The following DAAM2 variants were observed in gnomAD, a reference collection of about 807,000 sequenced individuals.
DAAM2 encodes the protein disheveled-associated activator of morphogenesis 2.
A neutral mutation model predicts 120.7 loss-of-function variants in DAAM2; 39 were observed. That is an observed-to-expected ratio of 0.32 (90% confidence interval 0.25 to 0.42). The LOEUF (loss-of-function observed/expected upper bound fraction) is 0.42. Among genes scored for constraint, DAAM2 ranks in the 10% least tolerant of loss-of-function variants. The pLI is 1.00. For synonymous variants in DAAM2, 488 were observed against 524.9 expected, an observed-to-expected ratio of 0.93 and a Z score of 0.96; for missense variants, 1,283 against 1,401.7, an observed-to-expected ratio of 0.92 and a Z score of 1.35.
intron 1 of DAAM2, among the ~76,000 whole-genome samples, chr6:39,805,576 A>G (rs1385084954): frequency 1.0e-4 from 15 of 147,144 alleles, no homozygotes; most frequent in African/African-American, 3.8e-4. Flanking sequence ...TTTTTTTGAG[A>G]CAGAGTCTCG....
chr6:39,839,930 AGACAGCTGG>A (rs1299758660), intron 1 of DAAM2, among the ~76,000 whole-genome samples: 2 of 152,210 alleles, frequency 1.3e-5, no homozygotes, highest in Admixed American at 1.3e-4. Flanking sequence ...TGGGAGTTTA[AGACAGCTGG>A]GTCATGGCCA....
chr6:39,801,229 T>C (rs1007875594), intron 1 of DAAM2, among the ~76,000 whole-genome samples: 2 of 152,206 alleles, frequency 1.3e-5, no homozygotes, highest in Non-Finnish European at 2.9e-5. Flanking sequence ...AAAGTACATT[T>C]TTCCCCCTGT....
intron 19 of DAAM2, among the ~76,000 whole-genome samples, chr6:39,892,317 C>T (rs3008814): frequency 0.45 from 68,717 of 152,044 alleles, 16,247 homozygotes; most frequent in Middle Eastern, 0.56. Flanking sequence ...AGCAATCGCA[C>T]GGGTGGGTGC....
At chr6:39,864,575 GC>G (rs1764347626) in intron 4 of DAAM2, 68 bp downstream of exon 4, 3 of 1,310,168 alleles carry the variant, frequency 2.3e-6, no homozygotes, top group African/African-American at 2.9e-5. Flanking sequence ...GATTCCCCCA[GC>G]CCCCACCCCC....
intron 14 of DAAM2, chr6:39,881,979 G>A (rs754389519): frequency 6.6e-5 from 10 of 151,998 alleles, no homozygotes; most frequent in Admixed American, 1.3e-4. Flanking sequence ...AGGATGGCAG[G>A]GCTGGGAGCG....
In DAAM2 at chr6:39,902,975, G is replaced by C. The variant is rs111341043; in HGVS notation, c.*938G>C. The C allele has an allele frequency of 0.016, 2,447 of 152,354 alleles. 30 individuals are homozygous for C. The highest frequency in any genetic ancestry group is 0.031 in the Middle Eastern group (9 of 294). The allele number at this position is 152,354 out of a possible 1,614,324, so 9.4% of individuals were successfully genotyped here. On this transcript the variant is annotated 3_prime_UTR_variant, in exon 25 of 25. Coordinates refer to ENST00000274867, the MANE Select transcript of DAAM2 (RefSeq NM_001201427.2). ...GAGTCCCCTACAGCCCCTCAGCAGA[G>C]GGCAGCACTTGAATGCTTAGCTCCA...
chr6:39,901,087 G>C lies in DAAM2; in HGVS notation c.2812-215G>C, dbSNP rs144952102. Among the ~76,000 whole-genome samples the C allele has an allele frequency of 2.1e-3, 325 of 152,228 alleles. 1 individual carries two copies. Among genetic ancestry groups the C allele is most frequent in the African/African-American group, 7.4e-3 (306 of 41,544 alleles). On this transcript the variant is annotated intron_variant, in intron 23 of 24. Transcript: ENST00000274867. The surrounding 1 kb of genome is among the most constrained non-coding windows in gnomAD (Gnocchi z 4.5). ...CCCAGGGGTGGCTCTAAGGTGGACTGAGTGAGCCCAACTCTTTACCTGCCT... is the reference window on the plus strand; with the variant it reads ...CCCAGGGGTGGCTCTAAGGTGGACTCAGTGAGCCCAACTCTTTACCTGCCT...
At chr6:39,852,660 C>G (rs375426417) in intron 1 of DAAM2, among the ~76,000 whole-genome samples, 1 of 152,220 alleles carries the variant, frequency 6.6e-6, no homozygotes, top group Non-Finnish European at 1.5e-5. Context: ...TCCTGTACTC[C>G]TCACTGAAAC....
rs150850187 is a variant in DAAM2 at position 39,901,707 on chromosome 6, G to A, written c.2983-106G>A. Reference sequence around the variant, plus strand: ...AAGAAAGTGGGGCCAACAGATACAGGCAGGCAGCATGACCATGGCCTAGGA... The same window carrying A: ...AAGAAAGTGGGGCCAACAGATACAGACAGGCAGCATGACCATGGCCTAGGA... On this transcript the variant is annotated intron_variant, in intron 24 of 24. Transcript: ENST00000274867. The surrounding 1 kb of genome is among the most constrained non-coding windows in gnomAD (Gnocchi z 4.5). 5.4e-3 allele frequency: 6,108 copies of A among 1,126,228 alleles called. 24 individuals carry two copies. The highest frequency in any genetic ancestry group is 6.8e-3 in the Non-Finnish European group (5,519 of 816,014). 69.8% of individuals were successfully genotyped at this position (1,126,228 alleles called of 1,614,324 possible).
intron 1 of DAAM2, among the ~76,000 whole-genome samples, chr6:39,846,694 C>T (rs1763605063): frequency 1.4e-5 from 2 of 140,254 alleles, no homozygotes; most frequent in South Asian, 4.6e-4. Flanking sequence ...ATAACCACAT[C>T]CACGCTTTTT....
intron 22 of DAAM2, 137 bp downstream of exon 22, chr6:39,899,074 T>A: frequency 1.5e-6 from 1 of 683,052 alleles, no homozygotes; most frequent in South Asian, 1.8e-5. Flanking sequence ...TCCCAAAGGA[T>A]AACTGGATTA....
chr6:39,886,581 G>A (rs1765390020), intron 15 of DAAM2: 1 of 397,702 alleles, frequency 2.5e-6, no homozygotes, highest in South Asian at 1.3e-4. Flanking sequence ...AGGGTGGTAT[G>A]GGAGAGGGCC....
chr6:39,794,475 G>T (rs1289694829), intron 1 of DAAM2, among the ~76,000 whole-genome samples: 1 of 152,130 alleles, frequency 6.6e-6, no homozygotes, highest in Non-Finnish European at 1.5e-5. Context: ...CCCCCATCAG[G>T]ACAAAAAGAG....
chr6:39,860,197 A>T (rs1182569888), intron 2 of DAAM2, among the ~76,000 whole-genome samples: 1 of 152,216 alleles, frequency 6.6e-6, no homozygotes, highest in Admixed American at 6.5e-5. Flanking sequence ...ATATGACCTC[A>T]TAAAGTTCCA....
chr6:39,860,738 G>A (rs765227566), intron 2 of DAAM2, among the ~76,000 whole-genome samples, 190 bp from the exon 3 acceptor site: 2 of 152,174 alleles, frequency 1.3e-5, no homozygotes, highest in Non-Finnish European at 2.9e-5. Flanking sequence ...AGGGTTGGTT[G>A]AGGCAAGGGG....
At position 39,843,410 on chromosome 6, in the gene DAAM2, A is replaced by G. The variant is rs539052944; in HGVS notation, c.-56-12837A>G. ...CTTGAACAGGAAGCCACCCCAGATT[A>G]AAGTAACTTGTCTCTGTTCAGTCTT... On this transcript the variant is annotated intron_variant, in intron 1 of 24. Transcript: ENST00000274867. Among the ~76,000 whole-genome samples the G allele has an allele frequency of 2.0e-5, 3 of 152,272 alleles. No homozygotes were observed. In the South Asian group the frequency reaches 6.2e-4, roughly 32 times the overall value.
At chr6:39,887,205 G>T in intron 15 of DAAM2, 1 of 346,860 alleles carries the variant, frequency 2.9e-6, no homozygotes, top group Non-Finnish European at 5.4e-6. Context: ...TCATTGCCCA[G>T]AGTGGATAAT....
rs4354147 is a variant in DAAM2, at chr6:39,878,940, A to C, written c.1546-238A>C. Among the ~76,000 whole-genome samples, 1 of 151,642 alleles carries C rather than the reference A, an allele frequency of 6.6e-6. No individual in the cohort carries two copies. The highest frequency in any genetic ancestry group is 1.5e-5 in the Non-Finnish European group (1 of 67,932). On this transcript the variant is annotated intron_variant, in intron 13 of 24. Coordinates refer to ENST00000274867, the MANE Select transcript of DAAM2 (RefSeq NM_001201427.2). The surrounding 1 kb of genome is among the most constrained non-coding windows in gnomAD (Gnocchi z 5.0). ...TTGCATTGTGATGGCTATGACTCTG[A>C]TTGTCCAGTGTCCGTGTGCGTGACG...
chr6:39,854,389 C>T (rs757268097), intron 1 of DAAM2, among the ~76,000 whole-genome samples: 3 of 152,142 alleles, frequency 2.0e-5, no homozygotes, highest in East Asian at 1.9e-4. Context: ...AGCTCCTGCC[C>T]TCCAGGAGCC....
Sources: gnomAD v4.1 joint callset for allele counts (sites outside exome capture counted in the v4.1 genomes callset) on GRCh38, gnomAD v4.1.1 for gene constraint, Gnocchi (gnomAD v3.1) non-coding constraint, MANE v1.5 for transcripts, NCBI Gene and HGNC (gene_info 2026-07-23, HGNC 2026-07-21) for gene names.